Variants in CREB5 observed in about 807,000 individuals in gnomAD.
The protein encoded by CREB5 is cyclic AMP-responsive element-binding protein 5.
A neutral mutation model predicts 57.1 loss-of-function variants in CREB5; 19 were observed. That is an observed-to-expected ratio of 0.33 (90% CI 0.23 to 0.49). The LOEUF (loss-of-function observed/expected upper bound fraction) is 0.49. Among genes scored for constraint, CREB5 ranks in the 20% least tolerant of loss-of-function variants. CREB5 has a pLI of 0.99. For synonymous variants in CREB5, 238 were observed against 238.3 expected (o/e 1.00, Z 0.01); for missense variants, 579 against 671.6 (o/e 0.86, Z 1.52).
At position 28,570,535 on chromosome 7, in the gene CREB5, C is replaced by A. The variant is rs750146422; in HGVS notation, c.462C>A (p.Ile154=). ...AGGCACCTTCCACCAACCGCCAGAT[C>A]GGGTAAGGAGCCCTCCTTGGCTGCC... ...ITQAPSTNRQ[I]GPVPGSLSSL... is the part of the protein sequence containing the mutation. The change falls in exon 5 of 11, where the codon ATC becomes ATA. Residue 154 remains isoleucine, a splice_region_variant and synonymous_variant. Coordinates refer to ENST00000357727, the MANE Select transcript of CREB5 (RefSeq NM_182898.4). 1.2e-6 allele frequency: 2 copies of A among 1,613,458 alleles called. No homozygotes were observed. The highest frequency in any genetic ancestry group is 3.3e-5 in the Admixed American group (2 of 59,962).
intron 7 of CREB5, among the ~76,000 whole-genome samples, chr7:28,788,325 C>T (rs559907681): frequency 6.6e-6 from 1 of 152,280 alleles, no homozygotes; most frequent in African/African-American, 2.4e-5. Flanking sequence ...AAACTGCCCT[C>T]AGTTGAGAAC....
At chr7:28,785,155 G>T (rs1428733241) in intron 7 of CREB5, among the ~76,000 whole-genome samples, 1 of 152,196 alleles carries the variant, frequency 6.6e-6, no homozygotes, top group Non-Finnish European at 1.5e-5. Context: ...CTAAATTCAT[G>T]TGTAGACATC....
intron 5 of CREB5, among the ~76,000 whole-genome samples, chr7:28,628,728 C>T (rs901039106): frequency 6.6e-6 from 1 of 152,134 alleles, no homozygotes. Flanking sequence ...TTTCATGTAA[C>T]ATTTATCTGG....
At chr7:28,645,877 G>A (rs1309090715) in intron 5 of CREB5, among the ~76,000 whole-genome samples, 4 of 152,188 alleles carry the variant, frequency 2.6e-5, no homozygotes, top group African/African-American at 9.7e-5. Context: ...CACCAATCCA[G>A]GTGGGCCATC....
Position 28,768,723 on chromosome 7 carries a change from G to C in CREB5, c.703-35476G>C, listed in dbSNP as rs577592517. Among the ~76,000 whole-genome samples, 3 of 152,302 alleles carry C rather than the reference G, an allele frequency of 2.0e-5. No homozygotes were observed. The East Asian group carries it at 5.8e-4, about 29-fold the overall frequency. On this transcript the variant is annotated intron_variant, in intron 7 of 10. Transcript: ENST00000357727. ...TCACTTCCTGACAAGTGTCAAGAAG[G>C]TCTTACAAACACTGAAATTTGGTCA... is the stretch of plus-strand genomic sequence containing the variant.
At chr7:28,737,564 TA>T (rs1562606577) in intron 7 of CREB5, among the ~76,000 whole-genome samples, 40 of 110,158 alleles carry the variant, frequency 3.6e-4, no homozygotes, top group South Asian at 3.3e-3. Flanking sequence ...TATATATATA[TA>T]TATATATATA....
At chr7:28,787,115 TACCTGGACAGC>T (rs751911403) in intron 7 of CREB5, among the ~76,000 whole-genome samples, 20 of 152,170 alleles carry the variant, frequency 1.3e-4, no homozygotes, top group Non-Finnish European at 2.2e-4. Context: ...TGGCAGATCC[TACCTGGACAGC>T]ACCTGTCCCC....
chr7:28,334,648 T>G (rs1015324834), intron 1 of CREB5, among the ~76,000 whole-genome samples: 1 of 152,232 alleles, frequency 6.6e-6, no homozygotes, highest in African/African-American at 2.4e-5. Flanking sequence ...TTCTGTGGGT[T>G]GTCTCTTCAC....
intron 7 of CREB5, among the ~76,000 whole-genome samples, chr7:28,773,534 T>TA (rs1806454105): frequency 6.6e-6 from 1 of 151,056 alleles, no homozygotes; most frequent in South Asian, 2.1e-4. Flanking sequence ...GAGTCAGTCA[T>TA]ATGATGTCTG....
At chr7:28,744,490 G>T (rs2128759463) in intron 7 of CREB5, among the ~76,000 whole-genome samples, 1 of 151,892 alleles carries the variant, frequency 6.6e-6, no homozygotes, top group African/African-American at 2.4e-5. Context: ...TGGGATTACA[G>T]GTACACACCA....
At chr7:28,784,496 T>A (rs1807193214) in intron 7 of CREB5, among the ~76,000 whole-genome samples, 1 of 104,394 alleles carries the variant, frequency 9.6e-6, no homozygotes, top group African/African-American at 4.2e-5. Context: ...GCTATAGGAT[T>A]TTTTTTTCCC....
chr7:28,766,404 G>A (rs1208304268), intron 7 of CREB5, among the ~76,000 whole-genome samples: 1 of 152,112 alleles, frequency 6.6e-6, no homozygotes, highest in Admixed American at 6.5e-5. Context: ...TCACACTAAA[G>A]AAAACACATT....
chr7:28,773,091 C>T (rs567617562), intron 7 of CREB5, among the ~76,000 whole-genome samples: 9 of 152,206 alleles, frequency 5.9e-5, no homozygotes, highest in East Asian at 5.8e-4. Flanking sequence ...CTCCTTTAAG[C>T]GCCCATTCAG....
chr7:28,807,544 G>A (rs527774430), intron 8 of CREB5, among the ~76,000 whole-genome samples: 1 of 152,262 alleles, frequency 6.6e-6, no homozygotes, highest in South Asian at 2.1e-4. Flanking sequence ...AGTCATAGAT[G>A]GTTTGATAGA....
chr7:28,377,931 CA>C (rs57930477), intron 1 of CREB5, among the ~76,000 whole-genome samples: 26,988 of 111,700 alleles, frequency 0.24, 2,509 homozygotes, highest in African/African-American at 0.28. Flanking sequence ...GACTCTATCT[CA>C]AAAAAAAAAA....
At chr7:28,604,466 T>C (rs1339387753) in intron 5 of CREB5, among the ~76,000 whole-genome samples, 1 of 152,162 alleles carries the variant, frequency 6.6e-6, no homozygotes, top group Non-Finnish European at 1.5e-5. Context: ...GAATCAAAAC[T>C]TTCTTCTTCT....
At chr7:28,442,568 T>A (rs1447481857) in intron 1 of CREB5, among the ~76,000 whole-genome samples, 1 of 152,148 alleles carries the variant, frequency 6.6e-6, no homozygotes, top group Non-Finnish European at 1.5e-5. Flanking sequence ...CACATTCCCA[T>A]CAATAGTGTA....
At chr7:28,545,364 A>G (rs568823772) in intron 4 of CREB5, among the ~76,000 whole-genome samples, 4 of 152,352 alleles carry the variant, frequency 2.6e-5, no homozygotes, top group African/African-American at 9.6e-5. Context: ...TGATTTGTGT[A>G]AGTTACTTCA....
At chr7:28,350,562 A>T (rs535230965) in intron 1 of CREB5, among the ~76,000 whole-genome samples, 3 of 150,972 alleles carry the variant, frequency 2.0e-5, no homozygotes, top group Admixed American at 6.6e-5. Flanking sequence ...GTTGAGATGG[A>T]AAAAAAAACA....
Sources: gnomAD v4.1 joint callset for allele counts (sites outside exome capture counted in the v4.1 genomes callset) on GRCh38, gnomAD v4.1.1 for gene constraint, MANE v1.5 for transcripts, NCBI Gene and HGNC (gene_info 2026-07-23, HGNC 2026-07-21) for gene names.